Variants in PCNP observed in about 807,000 individuals in gnomAD.
The protein encoded by PCNP is PEST proteolytic signal containing nuclear protein.
PCNP carries 6 observed loss-of-function variants against 21.8 expected under a neutral mutation model. The observed-to-expected ratio is 0.28, with a 90% confidence interval of 0.15 to 0.54. PCNP has a LOEUF of 0.54. PCNP is among the 20% of genes least tolerant of loss of function. The probability of loss-of-function intolerance (pLI) is 0.95; values close to 1 mark genes in which losing one functional copy is unlikely to be tolerated. For missense variants in PCNP, 161 were observed against 215.5 expected (o/e 0.75, Z 1.58); for synonymous variants, 67 against 73.2 (o/e 0.92, Z 0.43).
intron 4 of PCNP, among the ~76,000 whole-genome samples, 173 bp from the exon 5 acceptor site, chr3:101,592,454 A>G (rs1935865841): frequency 6.6e-6 from 1 of 152,160 alleles, no homozygotes; most frequent in Non-Finnish European, 1.5e-5. Flanking sequence ...GATTACAGGT[A>G]TCAGCACCAT....
chr3:101,586,985 G>GCT (rs1236910929), intron 3 of PCNP, among the ~76,000 whole-genome samples: 1 of 152,196 alleles, frequency 6.6e-6, no homozygotes, highest in Non-Finnish European at 1.5e-5. Context: ...CGCGCGCAGT[G>GCT]GCTCATGGCT....
Position 101,583,225 on chromosome 3 carries a change from G to A in PCNP, c.280-2212G>A, listed in dbSNP as rs375666768. 1.6e-4 allele frequency among the ~76,000 whole-genome samples: 25 copies of A among 152,334 alleles called. 1 individual carries two copies. The highest frequency in any genetic ancestry group is 8.5e-4 in the Admixed American group (13 of 15,302). On this transcript the variant is annotated intron_variant, in intron 2 of 4. Coordinates refer to ENST00000265260, the MANE Select transcript of PCNP (RefSeq NM_020357.3). ...TAAGCCCAGCACTTTGGGAGGCCAA[G>A]TCAGTGGATCTCTTGAAGCCAGGAG... is the stretch of plus-strand genomic sequence containing the variant.
intron 2 of PCNP, among the ~76,000 whole-genome samples, chr3:101,582,743 G>T (rs1405773621): frequency 6.6e-6 from 1 of 152,234 alleles, no homozygotes; most frequent in Non-Finnish European, 1.5e-5. Flanking sequence ...GTAGATCAGA[G>T]AAGAGTTTAC....
At chr3:101,581,283 TG>T (rs1425718950) in intron 2 of PCNP, among the ~76,000 whole-genome samples, 3 of 152,176 alleles carry the variant, frequency 2.0e-5, no homozygotes, top group African/African-American at 7.2e-5. Context: ...AAATATTTAA[TG>T]TTTTTTGATA....
chr3:101,580,636 A>G (rs1292691276), intron 2 of PCNP, among the ~76,000 whole-genome samples: 1 of 152,198 alleles, frequency 6.6e-6, no homozygotes, highest in Admixed American at 6.5e-5. Flanking sequence ...GGAATTGAAT[A>G]CTGTATATCT....
chr3:101,589,466 A>G (rs1935695642), intron 3 of PCNP, among the ~76,000 whole-genome samples: 1 of 150,124 alleles, frequency 6.7e-6, no homozygotes, highest in Admixed American at 6.7e-5. Context: ...GCTGGAGTGC[A>G]GTGGCACGAT....
At chr3:101,579,656 G>T in intron 1 of PCNP, 134 bp from the exon 2 acceptor site, 1 of 735,816 alleles carries the variant, frequency 1.4e-6, no homozygotes, top group East Asian at 2.6e-5. Context: ...AACAAACAGT[G>T]GAAGAGACTG....
chr3:101,588,819 A>G (rs991256821), intron 3 of PCNP, among the ~76,000 whole-genome samples: 1 of 152,246 alleles, frequency 6.6e-6, no homozygotes, highest in African/African-American at 2.4e-5. Context: ...AGTGATGCCA[A>G]GTTATCAGTG....
rs1935906302 is a variant in PCNP at position 101,593,204 on chromosome 3, T to C, written c.*451T>C. ...TATTGTATTGGGAAGAAAATGTTACTGAACTATTGACTGAAAGTAAATTTA... is the reference window on the plus strand; with the variant it reads ...TATTGTATTGGGAAGAAAATGTTACCGAACTATTGACTGAAAGTAAATTTA... On this transcript the variant is annotated 3_prime_UTR_variant, in exon 5 of 5. Transcript: ENST00000265260. 1 of 152,760 alleles carries C rather than the reference T, an allele frequency of 6.5e-6. No homozygotes were observed. Among genetic ancestry groups the C allele is most frequent in the African/African-American group, 2.4e-5 (1 of 41,464 alleles). 9.5% of individuals were successfully genotyped at this position (152,760 alleles called of 1,614,324 possible). A position where few individuals can be genotyped will look rare whatever the true frequency, so the allele number is the denominator to read the frequency against.
At chr3:101,587,907 G>C (rs138551844) in intron 3 of PCNP, among the ~76,000 whole-genome samples, 4 of 152,110 alleles carry the variant, frequency 2.6e-5, no homozygotes, top group Admixed American at 2.0e-4. Context: ...AATGCCTAAC[G>C]ATTTGGATAT....
chr3:101,578,181 A>G (rs528278911), intron 1 of PCNP, among the ~76,000 whole-genome samples: 2 of 152,038 alleles, frequency 1.3e-5, no homozygotes, highest in East Asian at 1.9e-4. Flanking sequence ...TGTAGAGCCA[A>G]AGAGGTTTTT....
chr3:101,576,711 G>T (rs1934920276), intron 1 of PCNP: 4 of 1,612,144 alleles, frequency 2.5e-6, no homozygotes, highest in Non-Finnish European at 3.4e-6. Flanking sequence ...ACCAGTCTGG[G>T]ATCTTGTACT....
chr3:101,587,268 C>T (rs2108287916), intron 3 of PCNP, among the ~76,000 whole-genome samples: 1 of 147,428 alleles, frequency 6.8e-6, no homozygotes, highest in African/African-American at 2.5e-5. Flanking sequence ...AAAAAAAATA[C>T]TTTTGTAAGC....
At chr3:101,576,398 C>T in intron 1 of PCNP, 1 of 1,066,510 alleles carries the variant, frequency 9.4e-7, no homozygotes, top group Non-Finnish European at 1.3e-6. Context: ...CCACGCCCAG[C>T]TAATTTTTGT....
intron 1 of PCNP, among the ~76,000 whole-genome samples, chr3:101,577,683 C>T (rs748609060): frequency 2.0e-5 from 3 of 152,150 alleles, no homozygotes; most frequent in Admixed American, 6.5e-5. Context: ...TGTCACCACG[C>T]CCATCTTAAT....
chr3:101,582,793 G>A (rs1935293712), intron 2 of PCNP, among the ~76,000 whole-genome samples: 1 of 152,210 alleles, frequency 6.6e-6, no homozygotes, highest in African/African-American at 2.4e-5. Flanking sequence ...ATGTAGGCAG[G>A]AGCAAAAGGG....
At chr3:101,584,803 C>G (rs1285215800) in intron 2 of PCNP, among the ~76,000 whole-genome samples, 1 of 152,036 alleles carries the variant, frequency 6.6e-6, no homozygotes, top group African/African-American at 2.4e-5. Context: ...GAGTTCAAGA[C>G]CAGCCTGGCC....
chr3:101,585,177 T>G (rs924928182), intron 2 of PCNP, among the ~76,000 whole-genome samples: 1 of 152,208 alleles, frequency 6.6e-6, no homozygotes, highest in Non-Finnish European at 1.5e-5. Flanking sequence ...CTTAGGTAAG[T>G]GATATTGTAG....
At chr3:101,577,899 CAAAA>C (rs1192104434) in intron 1 of PCNP, among the ~76,000 whole-genome samples, 1 of 151,632 alleles carries the variant, frequency 6.6e-6, no homozygotes, top group East Asian at 1.9e-4. Flanking sequence ...AATGAAAAAA[CAAAA>C]AAATGCTAGT....
Sources: allele counts gnomAD v4.1 joint callset (sites outside exome capture counted in the v4.1 genomes callset), GRCh38; gene constraint gnomAD v4.1.1; transcripts MANE v1.5; gene names NCBI Gene and HGNC (gene_info 2026-07-23, HGNC 2026-07-21).